The following CIT variants were observed in gnomAD, a reference collection of about 807,000 sequenced individuals.
CIT encodes the protein citron Rho-interacting kinase.
In CIT, 79 loss-of-function variants were observed where a neutral mutation model predicts 272.7. That is an observed-to-expected ratio of 0.29 (90% CI 0.24 to 0.35). CIT has a LOEUF of 0.35. Among genes scored for constraint, CIT ranks in the 10% least tolerant of loss-of-function variants. The probability of loss-of-function intolerance (pLI) is 1.00; values close to 1 mark genes in which losing one functional copy is unlikely to be tolerated. For missense variants in CIT, 1,909 were observed against 2,618.3 expected (o/e 0.73, Z 5.91); for synonymous variants, 948 against 995.6 (o/e 0.95, Z 0.90).
At chr12:119,756,382 A>C (rs1960987262) in intron 22 of CIT, among the ~76,000 whole-genome samples, 1 of 152,230 alleles carries the variant, frequency 6.6e-6, no homozygotes, top group African/African-American at 2.4e-5. Flanking sequence ...GCCCAGTTAC[A>C]AAGTTTTCTG....
At chr12:119,717,838 CTTTTTTT>C (rs10699099) in intron 32 of CIT, among the ~76,000 whole-genome samples, 1 of 81,332 alleles carries the variant, frequency 1.2e-5, no homozygotes, top group Non-Finnish European at 2.3e-5. Flanking sequence ...TGACTTCTTT[CTTTTTTT>C]TTTTTTTTTT....
At chr12:119,771,150 C>A (rs569792888) in intron 17 of CIT, among the ~76,000 whole-genome samples, 1 of 152,186 alleles carries the variant, frequency 6.6e-6, no homozygotes, top group Non-Finnish European at 1.5e-5. Flanking sequence ...CAAAGTGCCA[C>A]CTAGGCATCA....
At chr12:119,853,035 A>G (rs1030998227) in intron 4 of CIT, among the ~76,000 whole-genome samples, 11 of 152,102 alleles carry the variant, frequency 7.2e-5, no homozygotes, top group Admixed American at 5.2e-4. Flanking sequence ...CCCTGACTAC[A>G]TGGTACTTGC....
intron 10 of CIT, among the ~76,000 whole-genome samples, chr12:119,801,811 A>T (rs1362557608): frequency 6.6e-6 from 1 of 152,172 alleles, no homozygotes; most frequent in Non-Finnish European, 1.5e-5. Context: ...CACCATCCAG[A>T]TTGCTTTGGG....
At chr12:119,812,986 C>T (rs557837125) in intron 9 of CIT, among the ~76,000 whole-genome samples, 3 of 152,328 alleles carry the variant, frequency 2.0e-5, no homozygotes, top group Admixed American at 6.5e-5. Flanking sequence ...ATAGCAGGCA[C>T]TCAACCAACC....
At chr12:119,727,559 T>C (rs1293944742) in intron 28 of CIT, among the ~76,000 whole-genome samples, 1 of 152,120 alleles carries the variant, frequency 6.6e-6, no homozygotes, top group African/African-American at 2.4e-5. Flanking sequence ...ACCACACAAT[T>C]CACCCATGTC....
At chr12:119,876,886 A>G (rs1242528478) in intron 1 of CIT, among the ~76,000 whole-genome samples, 1 of 152,162 alleles carries the variant, frequency 6.6e-6, no homozygotes, top group Non-Finnish European at 1.5e-5. Flanking sequence ...GCTGAAACAG[A>G]GAGGTTAAGT....
chr12:119,861,259 G>A (rs934129128), intron 3 of CIT, among the ~76,000 whole-genome samples: 3 of 151,984 alleles, frequency 2.0e-5, no homozygotes, highest in African/African-American at 7.3e-5. Context: ...TTGAGGTACT[G>A]AGGTAGAGAT....
chr12:119,832,845 T>C lies in CIT; in HGVS notation c.679A>G (p.Ile227Val). ...ATGTGTCCTGTGCGGTCAACGAGAA[T>C]GTTCTCAGGCTTGATGTCTCTGTAA... The part of the protein sequence containing the change: ...YVHRDIKPEN[I>V]LVDRTGHIKL... Residue 227 changes from isoleucine (I) to valine (V), a missense_variant, in exon 7 of 48, where the codon ATT (isoleucine) becomes GTT (valine). Physicochemically the swap from Ile to Val is conservative, Grantham distance 29. Transcript: ENST00000392521. The C allele has an allele frequency of 1.2e-6, 2 of 1,614,038 alleles. No individual in the cohort carries two copies. Among genetic ancestry groups the C allele is most frequent in the South Asian group, 1.1e-5 (1 of 91,074 alleles).
chr12:119,701,995 T>C, intron 41 of CIT, 37 bp from the exon 42 acceptor site: 2 of 1,515,060 alleles, frequency 1.3e-6, no homozygotes, highest in East Asian at 2.3e-5. Flanking sequence ...ATGTGAGAGG[T>C]AACACAGGGC....
intron 30 of CIT, among the ~76,000 whole-genome samples, chr12:119,719,162 T>C (rs1466402463): frequency 1.3e-5 from 2 of 151,962 alleles, no homozygotes; most frequent in Admixed American, 6.6e-5. Context: ...GTCTTTCCCA[T>C]TCAAAAAATG....
At chr12:119,709,204 G>A (rs570684562) in intron 39 of CIT, among the ~76,000 whole-genome samples, 77 of 152,222 alleles carry the variant, frequency 5.1e-4, no homozygotes, top group African/African-American at 1.8e-3. Flanking sequence ...CTCTATGTGT[G>A]GATACATGTC....
At chr12:119,786,144 A>G (rs913380050) in intron 10 of CIT, among the ~76,000 whole-genome samples, 8 of 152,020 alleles carry the variant, frequency 5.3e-5, no homozygotes, top group African/African-American at 1.9e-4. Context: ...TATTATCCTC[A>G]TTTTATATGA....
At chr12:119,810,982 C>T (rs537645380) in intron 9 of CIT, among the ~76,000 whole-genome samples, 19 of 152,278 alleles carry the variant, frequency 1.2e-4, no homozygotes, top group African/African-American at 4.6e-4. Flanking sequence ...TTTCTCCCCT[C>T]CCACTAGGAA....
At chr12:119,715,048 G>A (rs553079511) in intron 32 of CIT, among the ~76,000 whole-genome samples, 32 of 152,156 alleles carry the variant, frequency 2.1e-4, no homozygotes, top group African/African-American at 5.3e-4. Flanking sequence ...TGAATCATGC[G>A]GGTGGTTTCC....
chr12:119,819,700 T>C lies in CIT; in HGVS notation c.1111+3120A>G, dbSNP rs115921431. On this transcript the variant is annotated intron_variant, in intron 9 of 47. Transcript: ENST00000392521. ...CCACCAGGCATTTAAGCAGCATCCA[T>C]GAACTTGGGAAACTTAATGATTCGA... Among the ~76,000 whole-genome samples the C allele has an allele frequency of 4.6e-3, 705 of 152,308 alleles. 5 individuals are homozygous for C. Among genetic ancestry groups the C allele is most frequent in the African/African-American group, 0.016 (668 of 41,560 alleles).
At chr12:119,792,750 G>A (rs914709716) in intron 10 of CIT, among the ~76,000 whole-genome samples, 2 of 152,134 alleles carry the variant, frequency 1.3e-5, no homozygotes, top group Admixed American at 6.5e-5. Context: ...TTGGATTACA[G>A]GCGTGGGCCA....
At chr12:119,738,130 T>C (rs1958876396) in intron 24 of CIT, among the ~76,000 whole-genome samples, 1 of 152,168 alleles carries the variant, frequency 6.6e-6, no homozygotes, top group African/African-American at 2.4e-5. Flanking sequence ...TGCTAGTAAA[T>C]AACAAAGCCA....
At chr12:119,709,119 C>T (rs146798410) in intron 39 of CIT, among the ~76,000 whole-genome samples, 3 of 152,092 alleles carry the variant, frequency 2.0e-5, no homozygotes, top group East Asian at 1.9e-4. Flanking sequence ...GGCAGCATAG[C>T]GGATACTTGT....
Sources: allele counts gnomAD v4.1 joint callset (sites outside exome capture counted in the v4.1 genomes callset), GRCh38; gene constraint gnomAD v4.1.1; transcripts MANE v1.5; gene names NCBI Gene and HGNC (gene_info 2026-07-23, HGNC 2026-07-21).